Variants in AGBL4 observed in about 807,000 individuals in gnomAD.
AGBL4 encodes AGBL carboxypeptidase 4, also known as cytosolic carboxypeptidase 6.
A neutral mutation model predicts 66.4 loss-of-function variants in AGBL4; 58 were observed. That is an observed-to-expected ratio of 0.87 (90% CI 0.71 to 1.09). The LOEUF is 1.09. AGBL4 is among the 50% of genes least tolerant of loss of function. The pLI, the probability that AGBL4 is intolerant of heterozygous loss-of-function variation, is 0.00. For synonymous variants in AGBL4, 234 were observed against 222.9 expected (o/e 1.05, Z -0.44); for missense variants, 579 against 631.0 (o/e 0.92, Z 0.88).
At chr1:48,755,486 G>A (rs1000659883) in intron 6 of AGBL4, among the ~76,000 whole-genome samples, 2 of 152,166 alleles carry the variant, frequency 1.3e-5, no homozygotes, top group African/African-American at 4.8e-5. Flanking sequence ...TCAAGGATAT[G>A]CCTCCAGGAG....
intron 6 of AGBL4, among the ~76,000 whole-genome samples, chr1:48,808,411 C>T (rs1194173323): frequency 1.3e-5 from 2 of 152,094 alleles, no homozygotes; most frequent in African/African-American, 2.4e-5. Flanking sequence ...TGTTAAGATT[C>T]TTCCCAAGGT....
At chr1:49,277,883 G>A (rs1489480694) in intron 3 of AGBL4, among the ~76,000 whole-genome samples, 3 of 152,018 alleles carry the variant, frequency 2.0e-5, no homozygotes, top group African/African-American at 4.8e-5. Context: ...GTTCAATAAA[G>A]CAAGCACTAC....
chr1:49,618,118 T>A (rs1645285177), intron 3 of AGBL4, among the ~76,000 whole-genome samples: 1 of 152,180 alleles, frequency 6.6e-6, no homozygotes, highest in African/African-American at 2.4e-5. Context: ...GGTTTTCTGT[T>A]CTTCTGTTAG....
chr1:49,514,495 C>T lies in AGBL4; in HGVS notation c.282+182818G>A, dbSNP rs531603298. Reference sequence around the variant, plus strand: ...TTTATAGATTCAATGCCATCCCCATCAAGCTACCAATGACTTTCTTCACAG... The same window carrying T: ...TTTATAGATTCAATGCCATCCCCATTAAGCTACCAATGACTTTCTTCACAG... On this transcript the variant is annotated intron_variant, in intron 3 of 13. Transcript: ENST00000371839. Among the ~76,000 whole-genome samples, 6 of 152,042 alleles carry T rather than the reference C, an allele frequency of 3.9e-5. No homozygotes were observed. The South Asian group carries it at 1.2e-3, about 32-fold the overall frequency.
intron 3 of AGBL4, among the ~76,000 whole-genome samples, chr1:49,657,405 T>A (rs1646165225): frequency 6.6e-6 from 1 of 152,106 alleles, no homozygotes; most frequent in Admixed American, 6.5e-5. Context: ...ATAGGAAGAA[T>A]CAATATCGTG....
At chr1:49,422,438 T>C (rs1238813825) in intron 3 of AGBL4, among the ~76,000 whole-genome samples, 1 of 152,228 alleles carries the variant, frequency 6.6e-6, no homozygotes, top group Non-Finnish European at 1.5e-5. Flanking sequence ...AACTAGGTCA[T>C]GCTGGCTGCT....
rs557708762 is a variant in AGBL4, at chr1:49,206,308, T to TAAAACA, written c.377+39456_377+39461dup. ...GAATTACAACAACTGGTTCTGAAAT[T>TAAAACA]AAAACAAAAACAAAAACAAAACAAA... is the stretch of plus-strand genomic sequence containing the variant. On this transcript the variant is annotated intron_variant, in intron 4 of 13. Transcript: ENST00000371839. Among the ~76,000 whole-genome samples, 803 of 152,070 alleles carry TAAAACA rather than the reference T, an allele frequency of 5.3e-3. 6 individuals carry two copies. Among genetic ancestry groups the TAAAACA allele is most frequent in the East Asian group, 0.02 (105 of 5,156 alleles).
chr1:48,640,403 T>C (rs1645735593), intron 8 of AGBL4, among the ~76,000 whole-genome samples: 1 of 152,188 alleles, frequency 6.6e-6, no homozygotes, highest in African/African-American at 2.4e-5. Context: ...ATATATTTAT[T>C]GGATGAATGA....
chr1:49,302,693 T>C (rs188024073), intron 3 of AGBL4, among the ~76,000 whole-genome samples: 1 of 142,548 alleles, frequency 7.0e-6, no homozygotes, highest in East Asian at 2.1e-4. Context: ...CCTAGAGATA[T>C]GTGCAGGACA....
intron 3 of AGBL4, among the ~76,000 whole-genome samples, chr1:49,252,841 T>C (rs1003124245): frequency 6.6e-6 from 1 of 152,184 alleles, no homozygotes; most frequent in Non-Finnish European, 1.5e-5. Flanking sequence ...TAAGATCCTT[T>C]TCAGACAAAC....
intron 2 of AGBL4, among the ~76,000 whole-genome samples, chr1:49,822,607 C>T (rs961637244): frequency 2.0e-5 from 3 of 152,174 alleles, no homozygotes; most frequent in Non-Finnish European, 4.4e-5. Context: ...CTCAAATGCT[C>T]ATCTCCAGAA....
intron 5 of AGBL4, among the ~76,000 whole-genome samples, chr1:48,867,444 T>C (rs1309047125): frequency 6.7e-6 from 1 of 148,486 alleles, no homozygotes; most frequent in Non-Finnish European, 1.5e-5. Flanking sequence ...GAAGCGTAGG[T>C]GGTTAGAGCT....
chr1:48,620,804 A>G (rs892301044), intron 9 of AGBL4, among the ~76,000 whole-genome samples: 2 of 152,196 alleles, frequency 1.3e-5, no homozygotes, highest in African/African-American at 4.8e-5. Context: ...ACCACACTAT[A>G]TAAGTGCTTA....
chr1:48,625,904 G>C (rs1486949714), intron 9 of AGBL4, among the ~76,000 whole-genome samples: 1 of 152,096 alleles, frequency 6.6e-6, no homozygotes, highest in East Asian at 1.9e-4. Context: ...TCACAGGTGG[G>C]AGAAATTGCC....
intron 3 of AGBL4, among the ~76,000 whole-genome samples, chr1:49,312,264 G>A (rs116307474): frequency 0.026 from 3,953 of 152,070 alleles, 80 homozygotes; most frequent in Non-Finnish European, 0.041. Flanking sequence ...CTTCCCTTCT[G>A]CCATGTGAGG....
chr1:48,949,948 G>A (rs1656827209), intron 5 of AGBL4, among the ~76,000 whole-genome samples: 1 of 152,066 alleles, frequency 6.6e-6, no homozygotes, highest in African/African-American at 2.4e-5. Context: ...CTCTAAATAG[G>A]TCTGAACCTA....
chr1:49,931,610 C>T (rs1010615125), intron 1 of AGBL4, among the ~76,000 whole-genome samples: 1 of 152,074 alleles, frequency 6.6e-6, no homozygotes, highest in Non-Finnish European at 1.5e-5. Flanking sequence ...CAGGTCCCTC[C>T]CTCAACACAT....
chr1:49,607,825 T>G (rs532131503), intron 3 of AGBL4, among the ~76,000 whole-genome samples: 1 of 152,240 alleles, frequency 6.6e-6, no homozygotes, highest in East Asian at 1.9e-4. Flanking sequence ...CCTTTATAGC[T>G]CATAGACTCC....
intron 3 of AGBL4, among the ~76,000 whole-genome samples, chr1:49,348,541 C>A (rs1053603214): frequency 9.2e-5 from 14 of 152,312 alleles, no homozygotes; most frequent in Admixed American, 5.9e-4. Flanking sequence ...TGAAGCGACC[C>A]GCAGTCACAA....
Sources: gnomAD v4.1 joint callset for allele counts (sites outside exome capture counted in the v4.1 genomes callset) on GRCh38, gnomAD v4.1.1 for gene constraint, MANE v1.5 for transcripts, NCBI Gene and HGNC (gene_info 2026-07-23, HGNC 2026-07-21) for gene names.